ECHDC3: variants seen among roughly 807,000 people sequenced by gnomAD.
ECHDC3 encodes the protein enoyl-CoA hydratase domain containing 3.
In ECHDC3, 20 loss-of-function variants were observed where a neutral mutation model predicts 17.9. That is an observed-to-expected ratio of 1.12 (90% CI 0.79 to 1.63). The LOEUF (loss-of-function observed/expected upper bound fraction) is 1.63, where lower values mean the gene tolerates loss of function less well. Ranked by LOEUF, ECHDC3 falls within the 40% of genes most tolerant of loss-of-function variation. The pLI, the probability that ECHDC3 is intolerant of heterozygous loss-of-function variation, is 0.00. For synonymous variants in ECHDC3, 177 were observed against 149.7 expected (o/e 1.18, Z -1.33); for missense variants, 407 against 357.7 (o/e 1.14, Z -1.11).
intron 1 of ECHDC3, among the ~76,000 whole-genome samples, chr10:11,744,338 G>A (rs775501395): frequency 6.6e-6 from 1 of 152,184 alleles, no homozygotes; most frequent in Non-Finnish European, 1.5e-5. Flanking sequence ...GTGAAAAAAT[G>A]GGGTGTGATG....
At chr10:11,758,037 T>C (rs1323853462) in intron 4 of ECHDC3, among the ~76,000 whole-genome samples, 1 of 152,048 alleles carries the variant, frequency 6.6e-6, no homozygotes, top group Non-Finnish European at 1.5e-5. Flanking sequence ...CTTTGCAAAC[T>C]GGCCTGGGCA....
chr10:11,744,567 G>A (rs1832740751), intron 1 of ECHDC3, among the ~76,000 whole-genome samples: 1 of 151,956 alleles, frequency 6.6e-6, no homozygotes, highest in Non-Finnish European at 1.5e-5. Context: ...CTCTGGTGGT[G>A]ACCTCATTCT....
At chr10:11,755,873 A>T in intron 4 of ECHDC3, 1 of 402,550 alleles carries the variant, frequency 2.5e-6, no homozygotes, top group Non-Finnish European at 4.5e-6. Context: ...TACCCTCAGT[A>T]CCACTGGGTA....
Position 11,747,474 on chromosome 10 carries a change from T to C in ECHDC3, c.292+4T>C. On this transcript the variant is annotated splice_donor_region_variant and intron_variant, in intron 2 of 4. Transcript: ENST00000379215. The stretch of plus-strand genomic sequence containing the variant: ...CTGAAAGTCATTATCATCTCGGGTA[T>C]GTATCTGATATCTGTCCTTAGTATT... The C allele has an allele frequency of 6.2e-7, 1 of 1,613,396 alleles. No homozygotes were observed. Among genetic ancestry groups the C allele is most frequent in the Non-Finnish European group, 8.5e-7 (1 of 1,179,786 alleles).
rs565801017 is a variant in ECHDC3 at position 11,758,947 on chromosome 10, A to G, written c.591+3339A>G. Among the ~76,000 whole-genome samples, 4 of 152,294 alleles carry G rather than the reference A, an allele frequency of 2.6e-5. No individual in the cohort carries two copies. The East Asian group carries it at 7.7e-4, about 29-fold the overall frequency. ...TGGTCTCAATGCTGTGTCCTCCCCA[A>G]ATTCCTGTGTTGAATCCTCACTCCC... On this transcript the variant is annotated intron_variant, in intron 4 of 4. Coordinates refer to ENST00000379215, the MANE Select transcript of ECHDC3 (RefSeq NM_024693.5).
rs747052240 is a variant in ECHDC3, at chr10:11,742,877, G to C, written c.170+131G>C. ...CTGGGGAGGGAACTCCCCGTGTCCC[G>C]GACCCGGGCCTGGCAGCGAGACGCG... On this transcript the variant is annotated intron_variant, in intron 1 of 4. Transcript: ENST00000379215. 52 of 1,070,644 alleles carry C rather than the reference G, an allele frequency of 4.9e-5. 1 individual carries two copies. The highest frequency in any genetic ancestry group is 9.6e-6 in the Non-Finnish European group (8 of 837,602). The allele number at this position is 1,070,644 out of a possible 1,614,324, so 66.3% of individuals were successfully genotyped here.
At chr10:11,756,222 A>G (rs1437313648) in intron 4 of ECHDC3, among the ~76,000 whole-genome samples, 1 of 152,214 alleles carries the variant, frequency 6.6e-6, no homozygotes, top group Admixed American at 6.5e-5. Context: ...AACTACAGTG[A>G]AGTCTGTTTC....
intron 1 of ECHDC3, among the ~76,000 whole-genome samples, chr10:11,746,136 T>A (rs1832756315): frequency 1.3e-5 from 2 of 152,100 alleles, no homozygotes; most frequent in South Asian, 4.1e-4. Flanking sequence ...GAGACCAGCC[T>A]GGCCAACATG....
intron 3 of ECHDC3, among the ~76,000 whole-genome samples, chr10:11,751,849 C>A (rs1832828108): frequency 6.6e-6 from 1 of 152,152 alleles, no homozygotes; most frequent in Non-Finnish European, 1.5e-5. Context: ...CTCTCATACC[C>A]CGTCAATCAA....
intron 2 of ECHDC3, among the ~76,000 whole-genome samples, chr10:11,748,426 A>G (rs1832785808): frequency 6.6e-6 from 1 of 151,898 alleles, no homozygotes; most frequent in Admixed American, 6.6e-5. Context: ...GTGTCTTGCT[A>G]TGTTGCCCAG....
chr10:11,746,979 T>C (rs948852569), intron 1 of ECHDC3, among the ~76,000 whole-genome samples: 1 of 152,224 alleles, frequency 6.6e-6, no homozygotes, highest in Non-Finnish European at 1.5e-5. Flanking sequence ...AGCCACTGTT[T>C]GTCAGATTTC....
At chr10:11,748,463 C>G (rs979434508) in intron 2 of ECHDC3, among the ~76,000 whole-genome samples, 1 of 151,900 alleles carries the variant, frequency 6.6e-6, no homozygotes, top group Non-Finnish European at 1.5e-5. Context: ...TAGCCTCAAG[C>G]AACATTGCCA....
Position 11,763,374 on chromosome 10 carries a change from G to T in ECHDC3, c.742G>T (p.Val248Leu), listed in dbSNP as rs1220384411. Residue 248 changes from valine (V) to leucine (L), a missense_variant, in exon 5 of 5, where the codon GTG (valine) becomes TTG (leucine). By Grantham distance (32) the Val-to-Leu change is conservative (BLOSUM62 1). Transcript: ENST00000379215. This position sits in a 1 kb window ranked among gnomAD's most constrained non-coding sequence, Gnocchi z 4.9. ...RKIASLSRPV[V>L]SLGKATFYKQ... is the part of the protein sequence containing the mutation. ...GATCGCATCGCTGAGCCGTCCGGTGGTGTCCCTGGGCAAAGCCACCTTCTA... is the reference window on the plus strand; with the variant it reads ...GATCGCATCGCTGAGCCGTCCGGTGTTGTCCCTGGGCAAAGCCACCTTCTA... The T allele has an allele frequency of 1.3e-6, 1 of 779,496 alleles. No individual in the cohort carries two copies. Among genetic ancestry groups the T allele is most frequent in the Non-Finnish European group, 2.4e-6 (1 of 419,176 alleles). The allele number at this position is 779,496 out of a possible 1,614,324, so 48.3% of individuals were successfully genotyped here.
chr10:11,743,887 T>C (rs1414381507), intron 1 of ECHDC3, among the ~76,000 whole-genome samples: 10 of 152,258 alleles, frequency 6.6e-5, no homozygotes, highest in South Asian at 2.1e-4. Context: ...TCTCCAGAAT[T>C]AAATATGAAT....
intron 3 of ECHDC3, among the ~76,000 whole-genome samples, chr10:11,753,707 A>G (rs1394522939): frequency 6.6e-6 from 1 of 152,180 alleles, no homozygotes; most frequent in Non-Finnish European, 1.5e-5. Context: ...CTTACAGTGC[A>G]TGAACCCCCT....
chr10:11,762,002 G>A (rs1007288842), intron 4 of ECHDC3, among the ~76,000 whole-genome samples: 2 of 152,056 alleles, frequency 1.3e-5, no homozygotes, highest in African/African-American at 4.8e-5. Flanking sequence ...AGAGGCCAAG[G>A]CCGTGGGGTC....
intron 3 of ECHDC3, among the ~76,000 whole-genome samples, chr10:11,752,951 T>C (rs1832842896): frequency 6.6e-6 from 1 of 152,264 alleles, no homozygotes. Flanking sequence ...CTGCCATTTA[T>C]TTATTTTGTA....
Position 11,752,646 on chromosome 10 carries a change from T to C in ECHDC3, c.391-2762T>C, listed in dbSNP as rs545473549. Among the ~76,000 whole-genome samples, 4 of 152,326 alleles carry C rather than the reference T, an allele frequency of 2.6e-5. No homozygotes were observed. In the East Asian group the frequency reaches 7.7e-4, roughly 29 times the overall value. On this transcript the variant is annotated intron_variant, in intron 3 of 4. Coordinates refer to ENST00000379215, the MANE Select transcript of ECHDC3 (RefSeq NM_024693.5). The stretch of plus-strand genomic sequence containing the variant: ...AGAATTACGTAATATGATTATAGCA[T>C]TGATTGCTTACTATATGCCAGATAA...
At chr10:11,761,328 A>T (rs1832948400) in intron 4 of ECHDC3, among the ~76,000 whole-genome samples, 1 of 152,202 alleles carries the variant, frequency 6.6e-6, no homozygotes, top group South Asian at 2.1e-4. Context: ...GAGGTCAAGG[A>T]TGCTGCAGAA....
Sources: allele counts gnomAD v4.1 joint callset (sites outside exome capture counted in the v4.1 genomes callset), GRCh38; gene constraint gnomAD v4.1.1; non-coding constraint Gnocchi (gnomAD v3.1); transcripts MANE v1.5; gene names NCBI Gene and HGNC (gene_info 2026-07-23, HGNC 2026-07-21).